Variants in CDH10 observed in about 807,000 individuals in gnomAD.
CDH10 encodes cadherin 10.
A neutral mutation model predicts 73.1 loss-of-function variants in CDH10; 30 were observed. That is an observed-to-expected ratio of 0.41 (90% confidence interval 0.31 to 0.56). The LOEUF (loss-of-function observed/expected upper bound fraction) is 0.56. CDH10 is among the 20% of genes least tolerant of loss of function. The pLI is 0.27. For missense variants in CDH10, 815 were observed against 973.7 expected (o/e 0.84, Z 2.17); for synonymous variants, 345 against 348.2 (o/e 0.99, Z 0.10).
intron 1 of CDH10, among the ~76,000 whole-genome samples, chr5:24,597,376 A>G (rs1282981884): frequency 6.6e-6 from 1 of 152,116 alleles, no homozygotes; most frequent in Non-Finnish European, 1.5e-5. Context: ...TCAGACCTCA[A>G]ATCAACCTCA....
intron 8 of CDH10, among the ~76,000 whole-genome samples, chr5:24,501,057 G>C (rs1238355712): frequency 1.3e-5 from 2 of 152,136 alleles, no homozygotes; most frequent in Non-Finnish European, 2.9e-5. Context: ...GGAGAAAAGT[G>C]GGAAGGTATG....
At chr5:24,638,522 G>T (rs1396528174) in intron 1 of CDH10, among the ~76,000 whole-genome samples, 2 of 151,638 alleles carry the variant, frequency 1.3e-5, no homozygotes, top group Non-Finnish European at 3.0e-5. Context: ...CATCTCCAAA[G>T]GAATAACTAA....
intron 2 of CDH10, among the ~76,000 whole-genome samples, chr5:24,582,666 G>C (rs1745844481): frequency 6.6e-6 from 1 of 152,008 alleles, no homozygotes; most frequent in African/African-American, 2.4e-5. Flanking sequence ...AATTAATAAA[G>C]ACAGACTGTG....
intron 2 of CDH10, among the ~76,000 whole-genome samples, chr5:24,569,544 A>AT (rs1305136568): frequency 6.6e-6 from 1 of 152,172 alleles, no homozygotes; most frequent in African/African-American, 2.4e-5. Context: ...TTTGAAAATA[A>AT]TTTTCATAAA....
At chr5:24,639,743 T>C (rs907425534) in intron 1 of CDH10, among the ~76,000 whole-genome samples, 1 of 151,812 alleles carries the variant, frequency 6.6e-6, no homozygotes, top group Non-Finnish European at 1.5e-5. Context: ...CATTGCTTTC[T>C]AGAAACATGT....
At chr5:24,557,554 T>C (rs1237789400) in intron 2 of CDH10, among the ~76,000 whole-genome samples, 6 of 151,814 alleles carry the variant, frequency 4.0e-5, no homozygotes, top group African/African-American at 1.4e-4. Flanking sequence ...ATTCCACAAC[T>C]TAATCTCATT....
At chr5:24,588,013 T>A (rs373201158) in intron 2 of CDH10, among the ~76,000 whole-genome samples, 11 of 152,362 alleles carry the variant, frequency 7.2e-5, no homozygotes, top group Admixed American at 5.9e-4. Context: ...CCTCTATAAA[T>A]GCTTTTATTA....
intron 2 of CDH10, among the ~76,000 whole-genome samples, chr5:24,553,091 G>A (rs776012732): frequency 9.9e-5 from 15 of 152,036 alleles, no homozygotes; most frequent in Non-Finnish European, 1.3e-4. Flanking sequence ...AGACAAGACC[G>A]AATATTATTT....
chr5:24,495,866 A>T (rs926672433), intron 9 of CDH10, among the ~76,000 whole-genome samples: 1 of 147,822 alleles, frequency 6.8e-6, no homozygotes, highest in African/African-American at 2.4e-5. Flanking sequence ...CAAAAAAAAA[A>T]AAAGAAAGAA....
At chr5:24,534,884 A>G (rs1743888938) in intron 5 of CDH10, among the ~76,000 whole-genome samples, 1 of 147,810 alleles carries the variant, frequency 6.8e-6, no homozygotes, top group African/African-American at 2.7e-5. Context: ...GTTTGGGATC[A>G]TAGGTCTTCC....
chr5:24,611,471 T>G (rs753256096), intron 1 of CDH10, among the ~76,000 whole-genome samples: 1 of 152,160 alleles, frequency 6.6e-6, no homozygotes, highest in Non-Finnish European at 1.5e-5. Flanking sequence ...GTCTCCCTTA[T>G]TATGTTGTCT....
chr5:24,567,973 T>C (rs1199985512), intron 2 of CDH10, among the ~76,000 whole-genome samples: 1 of 152,050 alleles, frequency 6.6e-6, no homozygotes, highest in Non-Finnish European at 1.5e-5. Flanking sequence ...ACCCAAAAAA[T>C]TCAATTTTTA....
intron 2 of CDH10, among the ~76,000 whole-genome samples, 181 bp from the exon 3 acceptor site, chr5:24,537,855 G>C (rs1744015021): frequency 6.6e-6 from 1 of 151,900 alleles, no homozygotes; most frequent in Non-Finnish European, 1.5e-5. Flanking sequence ...AATATGAATA[G>C]CCTTTTATAT....
At chr5:24,544,300 A>G (rs1228979495) in intron 2 of CDH10, among the ~76,000 whole-genome samples, 1 of 152,192 alleles carries the variant, frequency 6.6e-6, no homozygotes, top group Non-Finnish European at 1.5e-5. Context: ...CTCAGCAACA[A>G]CAACAAAAAT....
intron 2 of CDH10, among the ~76,000 whole-genome samples, chr5:24,586,086 A>G (rs979688813): frequency 6.6e-6 from 1 of 152,224 alleles, no homozygotes; most frequent in African/African-American, 2.4e-5. Context: ...CTGCAGCCAA[A>G]TTTAAATTCC....
chr5:24,489,599 C>T (rs1371529032), intron 11 of CDH10, among the ~76,000 whole-genome samples: 1 of 152,120 alleles, frequency 6.6e-6, no homozygotes, highest in East Asian at 1.9e-4. Flanking sequence ...CAACTTATTA[C>T]AATTCGCTCC....
rs144052438 is a variant in CDH10 at position 24,535,132 on chromosome 5, T to C, written c.794A>G (p.Asn265Ser). ...VNITLTDVND[N>S]PPRFPQNTIH... ...CTTACTCTGGGGGAAACGTGGTGGG[T>C]TGTCATTGACATCTGTCAGCGTGAT... Residue 265 changes from asparagine (N) to serine (S), a missense_variant, in exon 5 of 12, where the codon AAC becomes AGC. Physicochemically the swap from Asn to Ser is conservative, Grantham distance 46 (BLOSUM62 1). Transcript: ENST00000264463. 2.5e-6 allele frequency: 4 copies of C among 1,611,000 alleles called. No individual in the cohort carries two copies. In the African/African-American group the frequency reaches 4.0e-5, roughly 16 times the overall value.
chr5:24,521,476 G>A (rs1007424969), intron 5 of CDH10, among the ~76,000 whole-genome samples: 4 of 152,160 alleles, frequency 2.6e-5, no homozygotes, highest in African/African-American at 7.2e-5. Context: ...GCATGGTAGC[G>A]CATGCCTGTA....
At chr5:24,605,213 C>A (rs570328099) in intron 1 of CDH10, among the ~76,000 whole-genome samples, 2 of 152,242 alleles carry the variant, frequency 1.3e-5, no homozygotes, top group South Asian at 4.1e-4. Flanking sequence ...GAAGACATTA[C>A]CAAGTGTTGG....
Sources: allele counts gnomAD v4.1 joint callset (sites outside exome capture counted in the v4.1 genomes callset), GRCh38; gene constraint gnomAD v4.1.1; transcripts MANE v1.5; gene names NCBI Gene and HGNC (gene_info 2026-07-23, HGNC 2026-07-21).